Variants in HEATR5B observed in about 807,000 individuals in gnomAD.
HEATR5B encodes the protein HEAT repeat containing 5B.
In HEATR5B, 156 loss-of-function variants were observed where a neutral mutation model predicts 224.1. That is an observed-to-expected ratio of 0.70 (90% CI 0.61 to 0.80). HEATR5B has a LOEUF of 0.80. HEATR5B is among the 30% of genes least tolerant of loss of function. HEATR5B has a pLI of 0.00. For synonymous variants in HEATR5B, 1,027 were observed against 893.0 expected, an observed-to-expected ratio of 1.15 and a Z score of -2.68; for missense variants, 2,323 against 2,535.5, an observed-to-expected ratio of 0.92 and a Z score of 1.80.
intron 18 of HEATR5B, among the ~76,000 whole-genome samples, chr2:37,042,860 C>G (rs906631602): frequency 6.7e-6 from 1 of 149,218 alleles, no homozygotes; most frequent in Admixed American, 6.7e-5. Flanking sequence ...CCACTGCACT[C>G]CAGCCTGGGC....
intron 12 of HEATR5B, 97 bp downstream of exon 12, chr2:37,060,484 G>A: frequency 9.5e-7 from 1 of 1,047,396 alleles, no homozygotes; most frequent in Non-Finnish European, 1.3e-6. Flanking sequence ...TCATTACCTA[G>A]TAAAATAAAA....
chr2:36,991,080 A>T (rs2148336134), intron 33 of HEATR5B, among the ~76,000 whole-genome samples: 1 of 152,358 alleles, frequency 6.6e-6, no homozygotes, highest in Admixed American at 6.5e-5. Context: ...GACAACTGTA[A>T]GAAGTTCAAT....
At chr2:37,066,529 T>A (rs544023810) in intron 8 of HEATR5B, among the ~76,000 whole-genome samples, 3 of 152,338 alleles carry the variant, frequency 2.0e-5, no homozygotes, top group African/African-American at 7.2e-5. Context: ...TACCTCTTAC[T>A]GGAATGTTTC....
At chr2:37,032,565 A>G in intron 22 of HEATR5B, 64 bp downstream of exon 22, 1 of 1,310,766 alleles carries the variant, frequency 7.6e-7, no homozygotes, top group Non-Finnish European at 1.1e-6. Flanking sequence ...TTTGATAAAT[A>G]GTACTTAACT....
chr2:36,997,752 G>T (rs1666823849), intron 33 of HEATR5B, among the ~76,000 whole-genome samples: 1 of 151,930 alleles, frequency 6.6e-6, no homozygotes, highest in Non-Finnish European at 1.5e-5. Flanking sequence ...ATCTTTAGTA[G>T]AGACGGGGTT....
rs554169063 is a variant in HEATR5B at position 37,033,546 on chromosome 2, CAAACAT to C, written c.3217-779_3217-774del. Reference sequence around the variant, plus strand: ...ATCAAAGTGAAAAAACCAAATCAAGCAAACATAATCACCTGAAAAAATTGCAAAATG... The same window carrying C: ...ATCAAAGTGAAAAAACCAAATCAAGCAATCACCTGAAAAAATTGCAAAATG... On this transcript the variant is annotated intron_variant, in intron 21 of 35. Coordinates refer to ENST00000233099, the MANE Select transcript of HEATR5B (RefSeq NM_019024.3). Among the ~76,000 whole-genome samples, 1,228 of 152,252 alleles carry C rather than the reference CAAACAT, an allele frequency of 8.1e-3. 10 individuals are homozygous for C. The highest frequency in any genetic ancestry group is 0.013 in the Non-Finnish European group (887 of 68,002).
At chr2:37,072,561 C>T (rs1671971561) in intron 5 of HEATR5B, among the ~76,000 whole-genome samples, 1 of 151,970 alleles carries the variant, frequency 6.6e-6, no homozygotes, top group Non-Finnish European at 1.5e-5. Flanking sequence ...GAAGAAGGGT[C>T]TCAAATCAAT....
At chr2:37,000,146 T>C (rs1014784191) in intron 33 of HEATR5B, among the ~76,000 whole-genome samples, 6 of 151,922 alleles carry the variant, frequency 3.9e-5, no homozygotes, top group African/African-American at 1.4e-4. Flanking sequence ...GGTGTGATCT[T>C]GGCTCACCGC....
intron 21 of HEATR5B, among the ~76,000 whole-genome samples, chr2:37,033,115 G>A (rs1318870503): frequency 6.6e-6 from 1 of 151,834 alleles, no homozygotes; most frequent in Non-Finnish European, 1.5e-5. Flanking sequence ...TCCTGACCTC[G>A]TGATCCGCCC....
chr2:37,037,038 G>A (rs1011229172), intron 21 of HEATR5B, among the ~76,000 whole-genome samples: 2 of 150,736 alleles, frequency 1.3e-5, no homozygotes, highest in African/African-American at 4.9e-5. Context: ...CTATCAATAA[G>A]TATCTGATGA....
chr2:37,001,356 C>T (rs778090744), intron 32 of HEATR5B, among the ~76,000 whole-genome samples: 116 of 152,216 alleles, frequency 7.6e-4, no homozygotes, highest in Non-Finnish European at 1.4e-3. Flanking sequence ...GGAAAAAATA[C>T]CTTCACCACT....
intron 12 of HEATR5B, among the ~76,000 whole-genome samples, chr2:37,059,424 G>GTA (rs1671119247): frequency 1.2e-5 from 1 of 85,746 alleles, no homozygotes; most frequent in African/African-American, 5.2e-5. Flanking sequence ...GTGTGTGTGT[G>GTA]TGTGTGTGTG....
At chr2:37,065,098 A>C (rs1671509680) in intron 9 of HEATR5B, 108 bp from the exon 10 acceptor site, 1 of 1,117,350 alleles carries the variant, frequency 8.9e-7, no homozygotes, top group African/African-American at 1.6e-5. Flanking sequence ...CCAAGCTTTC[A>C]CACATATAGA....
rs561487067 is a variant in HEATR5B, at chr2:37,003,749, T to C, written c.4906-63A>G. The stretch of plus-strand genomic sequence containing the variant: ...AATCTCAAAGAATAACTTTATATTG[T>C]TAAAATCTGAGAAAATACCTATGTA... On this transcript the variant is annotated intron_variant, in intron 30 of 35. Coordinates refer to ENST00000233099, the MANE Select transcript of HEATR5B (RefSeq NM_019024.3). 1.2e-3 allele frequency: 1,389 copies of C among 1,167,428 alleles called. 2 individuals are homozygous for C. The highest frequency in any genetic ancestry group is 1.5e-3 in the Non-Finnish European group (1,337 of 875,054). 72.3% of individuals were successfully genotyped at this position (1,167,428 alleles called of 1,614,324 possible). A position where few individuals can be genotyped will look rare whatever the true frequency, so the allele number is the denominator to read the frequency against.
chr2:36,996,064 CTT>C (rs371199948), intron 33 of HEATR5B, among the ~76,000 whole-genome samples: 21 of 137,346 alleles, frequency 1.5e-4, no homozygotes, highest in Admixed American at 1.5e-4. Flanking sequence ...TAATGCAATT[CTT>C]TTTTTTTTTT....
At chr2:37,050,737 C>T (rs1353215852) in intron 17 of HEATR5B, among the ~76,000 whole-genome samples, 2 of 152,018 alleles carry the variant, frequency 1.3e-5, no homozygotes, top group African/African-American at 4.8e-5. Context: ...GTATAATCAA[C>T]ATACATCTAA....
Position 37,007,104 on chromosome 2 carries a change from C to A in HEATR5B, c.4723G>T (p.Gly1575Cys), listed in dbSNP as rs368900081. 7 of 1,613,878 alleles carry A rather than the reference C, an allele frequency of 4.3e-6. No homozygotes were observed. The East Asian group carries it at 1.6e-4, about 36-fold the overall frequency. The stretch of plus-strand genomic sequence containing the variant: ...ATTTCTGGCAAAGATTTAGCACTAC[C>A]CACTGCTCCTGATGCCTGGTTTAAA... ...VNLNQASGAV[G>C]SAKSLPEINK... The change falls in exon 29 of 36, where the codon GGT becomes TGT. Residue 1575 changes from glycine to cysteine, a missense_variant. Physicochemically the swap from Gly to Cys is radical, Grantham distance 159. Transcript: ENST00000233099.
At position 37,056,471 on chromosome 2, in the gene HEATR5B, C is replaced by T; in HGVS notation, c.2368G>A (p.Val790Ile). Residue 790 changes from valine (V) to isoleucine (I), a missense_variant, in exon 16 of 36, where the codon GTA becomes ATA. Around this residue, in one of 12 missense-constraint regions of HEATR5B, gnomAD observed 170 missense variants for 216.7 expected, o/e 0.78. Transcript: ENST00000233099. ...VIDASVALFG[V>I]VFPHVSYKHR... Reference sequence around the variant, plus strand: ...TTATAAGAAACATGAGGAAACACTACACCAAAAAGGGCCACAGAAGCATCA... The same window carrying T: ...TTATAAGAAACATGAGGAAACACTATACCAAAAAGGGCCACAGAAGCATCA... The T allele has an allele frequency of 6.2e-7, 1 of 1,609,558 alleles. No homozygotes were observed. The highest frequency in any genetic ancestry group is 8.5e-7 in the Non-Finnish European group (1 of 1,178,282).
At chr2:36,985,621 CTTTTTT>C (rs558499229) in intron 35 of HEATR5B, among the ~76,000 whole-genome samples, 6 of 92,296 alleles carry the variant, frequency 6.5e-5, no homozygotes, top group African/African-American at 1.9e-4. Context: ...CCACTCCTGG[CTTTTTT>C]TTTTTTTTTT....
Sources: allele counts gnomAD v4.1 joint callset (sites outside exome capture counted in the v4.1 genomes callset), GRCh38; gene constraint gnomAD v4.1.1; regional missense constraint gnomAD v4.1.1; transcripts MANE v1.5; gene names NCBI Gene and HGNC (gene_info 2026-07-23, HGNC 2026-07-21).